Variants in ADAMTS20 observed in about 807,000 individuals in gnomAD.
ADAMTS20 encodes ADAM metallopeptidase with thrombospondin type 1 motif 20.
A neutral mutation model predicts 260.1 loss-of-function variants in ADAMTS20; 225 were observed. The observed-to-expected ratio is 0.87, with a 90% confidence interval of 0.78 to 0.97. The LOEUF (loss-of-function observed/expected upper bound fraction) is 0.97. Ranked by LOEUF, ADAMTS20 falls within the 50% of genes least tolerant of loss-of-function variation. The pLI, the probability that ADAMTS20 is intolerant of heterozygous loss-of-function variation, is 0.00. For synonymous variants in ADAMTS20, 802 were observed against 769.5 expected, an observed-to-expected ratio of 1.04 and a Z score of -0.70; for missense variants, 2,400 against 2,337.7, an observed-to-expected ratio of 1.03 and a Z score of -0.55.
chr12:43,466,464 C>A (rs1163866754), intron 9 of ADAMTS20, among the ~76,000 whole-genome samples, 188 bp downstream of exon 9: 1 of 150,926 alleles, frequency 6.6e-6, no homozygotes, highest in Non-Finnish European at 1.5e-5. Context: ...AAATTATATA[C>A]ATGTATATAT....
chr12:43,541,201 C>T (rs1592117169), intron 2 of ADAMTS20, among the ~76,000 whole-genome samples: 1 of 152,224 alleles, frequency 6.6e-6, no homozygotes, highest in Non-Finnish European at 1.5e-5. Flanking sequence ...CTTAGTTTTT[C>T]CATCTTCAAT....
chr12:43,497,610 G>A (rs1942695643), intron 4 of ADAMTS20, among the ~76,000 whole-genome samples: 1 of 152,036 alleles, frequency 6.6e-6, no homozygotes, highest in Non-Finnish European at 1.5e-5. Context: ...AATATAAATG[G>A]TTATACCTGA....
intron 4 of ADAMTS20, among the ~76,000 whole-genome samples, chr12:43,501,827 A>G (rs1942771614): frequency 6.6e-6 from 1 of 152,208 alleles, no homozygotes; most frequent in African/African-American, 2.4e-5. Flanking sequence ...ATTCAGTTTC[A>G]AAGAGCAAAA....
chr12:43,488,544 C>T (rs1490457304), intron 7 of ADAMTS20, among the ~76,000 whole-genome samples: 3 of 152,066 alleles, frequency 2.0e-5, no homozygotes, highest in Non-Finnish European at 2.9e-5. Flanking sequence ...AATACCCATT[C>T]GAGCTAAGGA....
chr12:43,489,576 A>G (rs937556086), intron 7 of ADAMTS20, among the ~76,000 whole-genome samples: 1 of 152,000 alleles, frequency 6.6e-6, no homozygotes, highest in Non-Finnish European at 1.5e-5. Flanking sequence ...AAAAAAAAGA[A>G]ATCTGAAGAT....
intron 3 of ADAMTS20, among the ~76,000 whole-genome samples, chr12:43,519,971 C>T (rs1419911811): frequency 3.3e-5 from 5 of 151,992 alleles, no homozygotes; most frequent in African/African-American, 1.2e-4. Context: ...TATTAAATGC[C>T]ATGGCAAAAA....
rs776792929 is a variant in ADAMTS20 at position 43,452,375 on chromosome 12, C to A, written c.1978G>T (p.Val660Phe). The A allele has an allele frequency of 6.2e-7, 1 of 1,613,230 alleles. No homozygotes were observed. Among genetic ancestry groups the A allele is most frequent in the South Asian group, 1.1e-5 (1 of 90,984 alleles). ...AGGTAGAAATAATTGGTTCCAGCAA[C>A]CTGACAATAGAGTTTACAACGATCC... ...TKDRCKLYCQ[V>F]AGTNYFYLLK... is the part of the protein sequence containing the mutation. The change falls in exon 14 of 39, where the codon GTT becomes TTT. Residue 660 changes from valine (V) to phenylalanine (F), a missense_variant. Transcript: ENST00000389420.
chr12:43,359,916 A>G (rs1040643892), intron 37 of ADAMTS20, among the ~76,000 whole-genome samples: 4 of 152,202 alleles, frequency 2.6e-5, no homozygotes, highest in Admixed American at 2.6e-4. Context: ...AAGGAGAAAA[A>G]TCTCAGTAAT....
rs531485208 is a variant in ADAMTS20, at chr12:43,471,106, T to C, written c.1118-2401A>G. 4.9e-4 allele frequency among the ~76,000 whole-genome samples: 75 copies of C among 152,106 alleles called. No homozygotes were observed. The East Asian group carries it at 0.012, about 24-fold the overall frequency. On this transcript the variant is annotated intron_variant, in intron 7 of 38. Transcript: ENST00000389420. ...CATCTCACTAGGGAGTGCCAGACAG[T>C]GGGCGCAGGCCAGTGGGTGCACGCA...
In ADAMTS20 at chr12:43,501,736, C is replaced by G. The variant is rs532832902; in HGVS notation, c.867+416G>C. 1.0e-3 allele frequency among the ~76,000 whole-genome samples: 156 copies of G among 152,066 alleles called. 2 individuals are homozygous for G. Among genetic ancestry groups the G allele is most frequent in the African/African-American group, 3.6e-3 (150 of 41,492 alleles). On this transcript the variant is annotated intron_variant, in intron 4 of 38. Coordinates refer to ENST00000389420, the MANE Select transcript of ADAMTS20 (RefSeq NM_025003.5). ...TGTATAACTTAAAATATTAAGCGTCCAAATTTCTGATTTGGAGAATATAGC... is the reference window on the plus strand; with the variant it reads ...TGTATAACTTAAAATATTAAGCGTCGAAATTTCTGATTTGGAGAATATAGC...
chr12:43,356,800 C>A (rs139970637), intron 37 of ADAMTS20, among the ~76,000 whole-genome samples: 1 of 152,156 alleles, frequency 6.6e-6, no homozygotes, highest in African/African-American at 2.4e-5. Flanking sequence ...ATAGTGTTCA[C>A]GGGGACCAAC....
At chr12:43,393,740 T>A (rs938040530) in intron 29 of ADAMTS20, among the ~76,000 whole-genome samples, 1 of 152,064 alleles carries the variant, frequency 6.6e-6, no homozygotes, top group Non-Finnish European at 1.5e-5. Context: ...AATATAGTAG[T>A]ACCATTAGCA....
chr12:43,529,998 T>C (rs1943198575), intron 3 of ADAMTS20, among the ~76,000 whole-genome samples: 1 of 152,180 alleles, frequency 6.6e-6, no homozygotes, highest in South Asian at 2.1e-4. Flanking sequence ...TGTATGCTGA[T>C]TGTACCTAAA....
At position 43,512,473 on chromosome 12, in the gene ADAMTS20, T is replaced by C. The variant is rs908444149; in HGVS notation, c.614-10068A>G. ...TATTTTAAAAATTAGTAGTGTTTCA[T>C]AACATAAAAGTGTATGAAAATCTAC... On this transcript the variant is annotated intron_variant, in intron 3 of 38. Transcript: ENST00000389420. Among the ~76,000 whole-genome samples the C allele has an allele frequency of 3.3e-5, 5 of 151,976 alleles. No individual in the cohort carries two copies. In the East Asian group the frequency reaches 5.8e-4, roughly 18 times the overall value.
chr12:43,494,214 C>A (rs1055689455), intron 4 of ADAMTS20, among the ~76,000 whole-genome samples: 2 of 152,190 alleles, frequency 1.3e-5, no homozygotes, highest in Non-Finnish European at 2.9e-5. Flanking sequence ...GGGTGTGCTA[C>A]TTCCCTCAGT....
chr12:43,540,036 C>A (rs1304759430), intron 2 of ADAMTS20, among the ~76,000 whole-genome samples: 2 of 152,124 alleles, frequency 1.3e-5, no homozygotes, highest in Admixed American at 6.5e-5. Flanking sequence ...GCGCTTGCCA[C>A]CATGCCCAGC....
At position 43,413,933 on chromosome 12, in the gene ADAMTS20, T is replaced by C. The variant is rs192514691; in HGVS notation, c.4284+11581A>G. On this transcript the variant is annotated intron_variant, in intron 28 of 38. Transcript: ENST00000389420. ...GATTGTGTGTGCAGAACTAACCACA[T>C]GTATATTCTTTCGTTTTAACATTTT... Among the ~76,000 whole-genome samples, 5 of 152,298 alleles carry C rather than the reference T, an allele frequency of 3.3e-5. No homozygotes were observed. The East Asian group carries it at 7.7e-4, about 23-fold the overall frequency.
chr12:43,420,374 T>G (rs574985663), intron 28 of ADAMTS20, among the ~76,000 whole-genome samples: 1 of 152,204 alleles, frequency 6.6e-6, no homozygotes, highest in Non-Finnish European at 1.5e-5. Flanking sequence ...GTAGAAAACA[T>G]AATAAATGGA....
In ADAMTS20 at chr12:43,429,248, C is replaced by A. The variant is rs548663615; in HGVS notation, c.3489+369G>T. On this transcript the variant is annotated intron_variant, in intron 24 of 38. Transcript: ENST00000389420. ...TTCTACAAGATTTTAGCAACGTATACTCCACATACGTTAAAGCTTTCAGTG... is the reference window on the plus strand; with the variant it reads ...TTCTACAAGATTTTAGCAACGTATAATCCACATACGTTAAAGCTTTCAGTG... Among the ~76,000 whole-genome samples, 117 of 152,174 alleles carry A rather than the reference C, an allele frequency of 7.7e-4. 1 individual carries two copies. Among genetic ancestry groups the A allele is most frequent in the African/African-American group, 2.8e-3 (115 of 41,538 alleles).
Sources: gnomAD v4.1 joint callset for allele counts (sites outside exome capture counted in the v4.1 genomes callset) on GRCh38, gnomAD v4.1.1 for gene constraint, MANE v1.5 for transcripts, NCBI Gene and HGNC (gene_info 2026-07-23, HGNC 2026-07-21) for gene names.